Variants in SEMA6A observed in about 807,000 individuals in gnomAD.
SEMA6A encodes the protein semaphorin-6A.
A neutral mutation model predicts 96.8 loss-of-function variants in SEMA6A; 25 were observed. The observed-to-expected ratio is 0.26, with a 90% CI of 0.19 to 0.36. SEMA6A has a LOEUF of 0.36. Among genes scored for constraint, SEMA6A ranks in the 10% least tolerant of loss-of-function variants. The probability of loss-of-function intolerance (pLI) is 1.00; values close to 1 mark genes in which losing one functional copy is unlikely to be tolerated. For missense variants in SEMA6A, 1,363 were observed against 1,323.1 expected (o/e 1.03, Z -0.47); for synonymous variants, 612 against 518.0 (o/e 1.18, Z -2.46).
chr5:116,511,854 C>G (rs1454600604), intron 1 of SEMA6A, among the ~76,000 whole-genome samples: 1 of 152,194 alleles, frequency 6.6e-6, no homozygotes, highest in South Asian at 2.1e-4. Context: ...ATCAACACAT[C>G]ATAGAGAACA....
chr5:116,506,755 G>T (rs1301890402), intron 1 of SEMA6A, among the ~76,000 whole-genome samples: 2 of 152,076 alleles, frequency 1.3e-5, no homozygotes, highest in African/African-American at 4.8e-5. Context: ...TTATAAAGAA[G>T]CATATTGCCT....
intron 17 of SEMA6A, chr5:116,472,328 GTCT>G (rs1756198053): frequency 6.6e-6 from 1 of 152,232 alleles, no homozygotes; most frequent in African/African-American, 2.4e-5. Context: ...ACTCTTCCTT[GTCT>G]ACATTCTGAA....
At chr5:116,461,005 G>A (rs1326118140) in intron 18 of SEMA6A, among the ~76,000 whole-genome samples, 1 of 151,892 alleles carries the variant, frequency 6.6e-6, no homozygotes, top group Admixed American at 6.6e-5. Context: ...AAAGTTTAGA[G>A]CAATAAAAAT....
intron 3 of SEMA6A, among the ~76,000 whole-genome samples, chr5:116,499,422 C>CG (rs1757764201): frequency 9.1e-6 from 1 of 109,442 alleles, no homozygotes. Flanking sequence ...CGGGGGTTGG[C>CG]CGGGGGGTGG....
At chr5:116,456,570 C>T (rs1462732668) in intron 18 of SEMA6A, among the ~76,000 whole-genome samples, 2 of 152,328 alleles carry the variant, frequency 1.3e-5, no homozygotes, top group Non-Finnish European at 2.9e-5. Context: ...ACCCAATTTG[C>T]TTGCACCAAA....
chr5:116,473,832 G>A (rs1756299269), intron 16 of SEMA6A, among the ~76,000 whole-genome samples: 1 of 152,216 alleles, frequency 6.6e-6, no homozygotes, highest in Admixed American at 6.5e-5. Flanking sequence ...GAAGCCATGA[G>A]CAAAGGCAGG....
Position 116,446,600 on chromosome 5 carries a change from C to T in SEMA6A, c.*13G>A. ...TGCCTGCTGGTTCGACACCTGACCC[C>T]CTCCCCCTGGGATTATGTACACGCA... On this transcript the variant is annotated 3_prime_UTR_variant, in exon 19 of 19. Transcript: ENST00000343348. 6.8e-7 allele frequency: 1 copy of T among 1,466,036 alleles called. No homozygotes were observed. The highest frequency in any genetic ancestry group is 9.0e-7 in the Non-Finnish European group (1 of 1,106,110). 90.8% of individuals were successfully genotyped at this position (1,466,036 alleles called of 1,614,324 possible).
chr5:116,499,458 ATCG>A (rs1757767804), intron 3 of SEMA6A, among the ~76,000 whole-genome samples: 1 of 152,186 alleles, frequency 6.6e-6, no homozygotes, highest in East Asian at 1.9e-4. Context: ...TTAGCTTTAA[ATCG>A]TGTTACTTGC....
At chr5:116,547,670 A>G (rs2112876983) in intron 1 of SEMA6A, among the ~76,000 whole-genome samples, 1 of 149,654 alleles carries the variant, frequency 6.7e-6, no homozygotes, top group East Asian at 2.0e-4. Flanking sequence ...ACTGGCCAAT[A>G]ATGTCTTTGG....
chr5:116,449,369 G>T (rs1223845258), intron 18 of SEMA6A: 2 of 702,238 alleles, frequency 2.8e-6, no homozygotes, highest in South Asian at 3.0e-5. Flanking sequence ...ACTCTTTCTG[G>T]AATATGTTTC....
In SEMA6A at chr5:116,570,629, A is replaced by G. The variant is rs570951747; in HGVS notation, c.-39+3556T>C. 2.0e-3 allele frequency among the ~76,000 whole-genome samples: 301 copies of G among 152,346 alleles called. 2 individuals are homozygous for G. The highest frequency in any genetic ancestry group is 3.5e-3 in the Non-Finnish European group (240 of 68,034). On this transcript the variant is annotated intron_variant, in intron 1 of 18. Transcript: ENST00000343348. ...TTCTGTGATTCCTTCCTGCAAACAAATAAGATGGAGAGACTATATTAGCTC... is the reference window on the plus strand; with the variant it reads ...TTCTGTGATTCCTTCCTGCAAACAAGTAAGATGGAGAGACTATATTAGCTC...
intron 10 of SEMA6A, among the ~76,000 whole-genome samples, chr5:116,483,937 A>G (rs1275842297): frequency 2.0e-5 from 3 of 151,904 alleles, no homozygotes; most frequent in Admixed American, 1.3e-4. Context: ...GATGGTGGGC[A>G]CCTGTAATCC....
chr5:116,481,260 A>C (rs982599677), intron 11 of SEMA6A, among the ~76,000 whole-genome samples: 1 of 152,212 alleles, frequency 6.6e-6, no homozygotes, highest in African/African-American at 2.4e-5. Flanking sequence ...AGGGTATTAC[A>C]TAAGAACTTA....
At chr5:116,487,165 AG>A (rs1319016447) in intron 9 of SEMA6A, 199 bp from the exon 10 acceptor site, 1 of 546,564 alleles carries the variant, frequency 1.8e-6, no homozygotes, top group Non-Finnish European at 3.3e-6. Flanking sequence ...TTAAAAGATA[AG>A]GCTGTGGCAT....
chr5:116,448,769 A>C (rs543246258), intron 18 of SEMA6A, among the ~76,000 whole-genome samples: 6,981 of 151,442 alleles, frequency 0.046, 204 homozygotes, highest in Middle Eastern at 0.072. Context: ...AAAAAAAAAA[A>C]AAAAAAACAG....
At chr5:116,513,422 C>T (rs568525855) in intron 1 of SEMA6A, among the ~76,000 whole-genome samples, 4 of 152,184 alleles carry the variant, frequency 2.6e-5, no homozygotes, top group South Asian at 2.1e-4. Flanking sequence ...CCACCGTACC[C>T]GGCAAGGCAG....
intron 1 of SEMA6A, among the ~76,000 whole-genome samples, chr5:116,552,443 A>G (rs1760452965): frequency 6.6e-6 from 1 of 152,198 alleles, no homozygotes; most frequent in Non-Finnish European, 1.5e-5. Flanking sequence ...GCATATAAAA[A>G]AGCTCTGCAA....
chr5:116,484,511 TAAG>T (rs1284663690), intron 10 of SEMA6A, among the ~76,000 whole-genome samples: 1 of 151,624 alleles, frequency 6.6e-6, no homozygotes, highest in African/African-American at 2.4e-5. Context: ...GAGGCAAATA[TAAG>T]AATAATGACA....
At chr5:116,497,587 C>T (rs924443888) in intron 3 of SEMA6A, among the ~76,000 whole-genome samples, 200 bp from the exon 4 acceptor site, 5 of 152,178 alleles carry the variant, frequency 3.3e-5, no homozygotes, top group South Asian at 2.1e-4. Context: ...TGGCATTGTG[C>T]TCCAAGGAAC....
Sources: allele counts gnomAD v4.1 joint callset (sites outside exome capture counted in the v4.1 genomes callset), GRCh38; gene constraint gnomAD v4.1.1; transcripts MANE v1.5; gene names NCBI Gene and HGNC (gene_info 2026-07-23, HGNC 2026-07-21).